The following HERC1 variants were observed in gnomAD, a reference collection of about 807,000 sequenced individuals.
HERC1 encodes the protein probable E3 ubiquitin-protein ligase HERC1.
A neutral mutation model predicts 554.3 loss-of-function variants in HERC1; 160 were observed. The observed-to-expected ratio is 0.29, with a 90% CI of 0.25 to 0.33. The LOEUF (loss-of-function observed/expected upper bound fraction) is 0.33, where lower values mean the gene tolerates loss of function less well. Ranked by LOEUF, HERC1 falls within the 10% of genes least tolerant of loss-of-function variation. The pLI is 1.00. For synonymous variants in HERC1, 2,175 were observed against 2,131.7 expected (o/e 1.02, Z -0.56); for missense variants, 4,919 against 5,918.5 (o/e 0.83, Z 5.54).
intron 19 of HERC1, among the ~76,000 whole-genome samples, chr15:63,721,757 T>C (rs1410151304): frequency 6.6e-6 from 1 of 151,950 alleles, no homozygotes; most frequent in Non-Finnish European, 1.5e-5. Context: ...AAACTAGAGA[T>C]AGGTGATTCT....
At chr15:63,760,543 AT>A (rs2075579129) in intron 3 of HERC1, among the ~76,000 whole-genome samples, 1 of 151,882 alleles carries the variant, frequency 6.6e-6, no homozygotes, top group Non-Finnish European at 1.5e-5. Context: ...GAAAAAAATC[AT>A]TTTGGAACTG....
At chr15:63,772,829 C>T (rs923101841) in intron 2 of HERC1, among the ~76,000 whole-genome samples, 1 of 152,066 alleles carries the variant, frequency 6.6e-6, no homozygotes, top group African/African-American at 2.4e-5. Context: ...TTTTATGTAA[C>T]AGTAAGAAAT....
At chr15:63,779,357 A>G (rs74019013) in intron 1 of HERC1, among the ~76,000 whole-genome samples, 4,502 of 152,310 alleles carry the variant, frequency 0.03, 89 homozygotes, top group African/African-American at 0.061. Context: ...AAAGACCTCC[A>G]AGCAAAGAGA....
At position 63,648,172 on chromosome 15, in the gene HERC1, C is replaced by T. The variant is rs1334107457; in HGVS notation, c.10775G>A (p.Ser3592Asn). The change falls in exon 55 of 78, where the codon AGT becomes AAT. Residue 3592 changes from serine to asparagine, a missense_variant. Physicochemically the swap from Ser to Asn is conservative, Grantham distance 46. Transcript: ENST00000443617. Reference sequence around the variant, plus strand: ...TCCCACTGCAAATGGTCTGTCTTCACTGAACCATGCAATGCAAGTAACAGA... The same window carrying T: ...TCCCACTGCAAATGGTCTGTCTTCATTGAACCATGCAATGCAAGTAACAGA... ...DVSVTCIAWF[S>N]EDRPFAVGYF... The T allele has an allele frequency of 1.9e-6, 3 of 1,603,664 alleles. No homozygotes were observed. Among genetic ancestry groups the T allele is most frequent in the Admixed American group, 3.4e-5 (2 of 58,778 alleles).
chr15:63,803,139 C>T (rs1038156590), intron 1 of HERC1, among the ~76,000 whole-genome samples: 4 of 152,132 alleles, frequency 2.6e-5, no homozygotes, highest in Admixed American at 6.5e-5. Flanking sequence ...TACGAGGCTG[C>T]AGTGAGCCAT....
chr15:63,694,294 GACATCT>G lies in HERC1; in HGVS notation c.5480+12_5480+17del, dbSNP rs1190644526. ...ACCAGACTTCATACAGTTCTACAAA[GACATCT>G]ACCATACTTACCCAGTAGTGATGGC... On this transcript the variant is annotated intron_variant, in intron 29 of 77. Coordinates refer to ENST00000443617, the MANE Select transcript of HERC1 (RefSeq NM_003922.4). The surrounding 1 kb of genome is among the most constrained non-coding windows in gnomAD (Gnocchi z 4.3). 1 of 1,603,292 alleles carries G rather than the reference GACATCT, an allele frequency of 6.2e-7. No individual in the cohort carries two copies. The highest frequency in any genetic ancestry group is 1.3e-5 in the African/African-American group (1 of 74,766).
Position 63,732,948 on chromosome 15 carries a change from G to A in HERC1, c.2844C>T (p.Leu948=), listed in dbSNP as rs1174773276. 8.1e-6 allele frequency: 13 copies of A among 1,612,596 alleles called. No homozygotes were observed. The highest frequency in any genetic ancestry group is 1.0e-5 in the Non-Finnish European group (12 of 1,178,694). ...CTGTATAAAATCCTAAATTTCTTAA[G>A]AGGGTCTTCATCAAAATTTCAGCCA... is the stretch of plus-strand genomic sequence containing the variant. ...THLAEILMKT[L]LRNLGFYTDQ... Residue 948 remains leucine, a synonymous_variant, in exon 14 of 78, where the codon CTC becomes CTT. Transcript: ENST00000443617.
chr15:63,655,631 A>G (rs2069989956), intron 50 of HERC1, 111 bp downstream of exon 50: 5 of 765,884 alleles, frequency 6.5e-6, no homozygotes, highest in Admixed American at 2.9e-5. Flanking sequence ...TTATGTTCTA[A>G]ACTTAAGAAA....
intron 74 of HERC1, among the ~76,000 whole-genome samples, chr15:63,619,603 T>G (rs1395071621): frequency 6.6e-6 from 1 of 152,258 alleles, no homozygotes; most frequent in East Asian, 1.9e-4. Flanking sequence ...CTGGTAGAAG[T>G]TGGCTGTGAA....
intron 1 of HERC1, among the ~76,000 whole-genome samples, chr15:63,809,019 C>A (rs1056389619): frequency 1.3e-5 from 2 of 152,032 alleles, no homozygotes; most frequent in African/African-American, 4.8e-5. Context: ...GAAGAAATAG[C>A]AAAAATATCA....
chr15:63,668,725 C>T lies in HERC1; in HGVS notation c.8206+813G>A, dbSNP rs188515240. Among the ~76,000 whole-genome samples the T allele has an allele frequency of 1.2e-3, 189 of 152,004 alleles. 1 individual carries two copies. The highest frequency in any genetic ancestry group is 4.3e-3 in the African/African-American group (180 of 41,450). On this transcript the variant is annotated intron_variant, in intron 40 of 77. Coordinates refer to ENST00000443617, the MANE Select transcript of HERC1 (RefSeq NM_003922.4). ...ACAGAAGGTCTATTCATTAAAAGAA[C>T]GTAAGAATCCTAAATGTTTATGAAC...
intron 2 of HERC1, among the ~76,000 whole-genome samples, chr15:63,771,180 C>T (rs2075943883): frequency 6.6e-6 from 1 of 151,366 alleles, no homozygotes; most frequent in African/African-American, 2.4e-5. Flanking sequence ...CAGAGCAAAA[C>T]TCTACCTCAA....
At position 63,747,099 on chromosome 15, in the gene HERC1, C is replaced by G. The variant is rs371907058; in HGVS notation, c.2355-16G>C. The G allele has an allele frequency of 4.9e-5, 77 of 1,585,076 alleles. No individual in the cohort carries two copies. The Admixed American group carries it at 1.3e-3, about 26-fold the overall frequency. ...GTGGTGTTCTCTGAAACCAAATAAA[C>G]GTCTATGAATTCTCGGATCATAAAA... On this transcript the variant is annotated splice_polypyrimidine_tract_variant and intron_variant, in intron 11 of 77. Coordinates refer to ENST00000443617, the MANE Select transcript of HERC1 (RefSeq NM_003922.4).
chr15:63,713,214 C>T, intron 23 of HERC1, 139 bp downstream of exon 23: 2 of 764,584 alleles, frequency 2.6e-6, no homozygotes, highest in Non-Finnish European at 4.2e-6. Flanking sequence ...ACTTTAAGTT[C>T]ATCCTAGTCA....
chr15:63,823,008 T>C (rs186521568), intron 1 of HERC1, among the ~76,000 whole-genome samples: 6 of 152,352 alleles, frequency 3.9e-5, no homozygotes, highest in Non-Finnish European at 7.3e-5. Flanking sequence ...CCTTCTGTGT[T>C]GTACAAATTT....
rs767455345 is a variant in HERC1 at position 63,749,364 on chromosome 15, T to C, written c.2219+3A>G. 2.3e-5 allele frequency: 36 copies of C among 1,596,804 alleles called. 1 individual carries two copies. The East Asian group carries it at 4.7e-4, about 21-fold the overall frequency. ...AAGAATTTTTAAACATAGGCACTCTTACCTGTCCCTAGGAAGAGCAGTCCA... is the reference window on the plus strand; with the variant it reads ...AAGAATTTTTAAACATAGGCACTCTCACCTGTCCCTAGGAAGAGCAGTCCA... On this transcript the variant is annotated splice_donor_region_variant and intron_variant, in intron 10 of 77. Transcript: ENST00000443617. The surrounding 1 kb of genome is among the most constrained non-coding windows in gnomAD (Gnocchi z 4.1).
In HERC1 at chr15:63,690,571, T is replaced by A. The variant is rs1489738796; in HGVS notation, c.5907A>T (p.Glu1969Asp). 3 of 1,612,758 alleles carry A rather than the reference T, an allele frequency of 1.9e-6. No individual in the cohort carries two copies. The African/African-American group carries it at 4.0e-5, about 22-fold the overall frequency. Residue 1969 changes from glutamate (E) to aspartate (D), a missense_variant, in exon 32 of 78, where the codon GAA becomes GAT. Physicochemically the swap from Glu to Asp is conservative, Grantham distance 45 (BLOSUM62 2). Coordinates refer to ENST00000443617, the MANE Select transcript of HERC1 (RefSeq NM_003922.4). ...HVLEAVLPAC[E>D]SGVEDDQMAQ... ...CCATTTGATCATCTTCTACACCAGA[T>A]TCACAAGCTGGCAGCACAGCTTCAA...
intron 16 of HERC1, among the ~76,000 whole-genome samples, chr15:63,728,621 C>T (rs1251807356): frequency 6.6e-6 from 1 of 152,072 alleles, no homozygotes; most frequent in Admixed American, 6.5e-5. Context: ...TAAAGAAAGG[C>T]TCTAGGACTC....
intron 1 of HERC1, among the ~76,000 whole-genome samples, chr15:63,786,035 G>A (rs1422494844): frequency 6.6e-6 from 1 of 151,626 alleles, no homozygotes; most frequent in Non-Finnish European, 1.5e-5. Context: ...GGAAAAAAAT[G>A]AAAACAATCA....
Sources: allele counts gnomAD v4.1 joint callset (sites outside exome capture counted in the v4.1 genomes callset), GRCh38; gene constraint gnomAD v4.1.1; non-coding constraint Gnocchi (gnomAD v3.1); transcripts MANE v1.5; gene names NCBI Gene and HGNC (gene_info 2026-07-23, HGNC 2026-07-21).